COL22A1: variants seen among roughly 807,000 people sequenced by gnomAD.
The protein encoded by COL22A1 is collagen alpha-1(XXII) chain.
COL22A1 carries 221 observed loss-of-function variants against 248.9 expected under a neutral mutation model. That is an observed-to-expected ratio of 0.89 (90% confidence interval 0.80 to 0.99). The LOEUF (loss-of-function observed/expected upper bound fraction) is 0.99. Ranked by LOEUF, COL22A1 falls within the 50% of genes least tolerant of loss-of-function variation. The pLI, the probability that COL22A1 is intolerant of heterozygous loss-of-function variation, is 0.00. For synonymous variants in COL22A1, 891 were observed against 793.4 expected (o/e 1.12, Z -2.07); for missense variants, 2,240 against 2,179.0 (o/e 1.03, Z -0.56).
intron 64 of COL22A1, among the ~76,000 whole-genome samples, chr8:138,590,926 A>G (rs1480613247): frequency 6.6e-6 from 1 of 152,232 alleles, no homozygotes. Flanking sequence ...CCACTGGGTG[A>G]GCATTCCCCA....
intron 63 of COL22A1, among the ~76,000 whole-genome samples, chr8:138,592,953 A>G (rs1355279211): frequency 1.3e-5 from 2 of 152,208 alleles, no homozygotes; most frequent in African/African-American, 2.4e-5. Flanking sequence ...AATAGCAAAG[A>G]CTTGGAACCA....
chr8:138,747,297 T>C (rs1488620872), intron 22 of COL22A1, among the ~76,000 whole-genome samples: 1 of 152,260 alleles, frequency 6.6e-6, no homozygotes, highest in African/African-American at 2.4e-5. Flanking sequence ...TACTGTCCTT[T>C]CTACTTTTGT....
At chr8:138,786,934 G>A (rs1472035589) in intron 12 of COL22A1, among the ~76,000 whole-genome samples, 8 of 152,166 alleles carry the variant, frequency 5.3e-5, no homozygotes, top group Non-Finnish European at 1.2e-4. Flanking sequence ...AGAAGGAAAA[G>A]AGAAAGTTAT....
At chr8:138,833,450 G>A (rs746427428) in intron 4 of COL22A1, among the ~76,000 whole-genome samples, 1 of 152,236 alleles carries the variant, frequency 6.6e-6, no homozygotes, top group African/African-American at 2.4e-5. Context: ...CTGGTTGTGT[G>A]AGGGCCGCAG....
chr8:138,658,883 TTCTCTCTCTCTCTCCC>T (rs1823534642), intron 44 of COL22A1, among the ~76,000 whole-genome samples: 1 of 151,612 alleles, frequency 6.6e-6, no homozygotes. Context: ...CTCTTCTCTC[TTCTCTCTCTCTCTCCC>T]TCTCTCTCTC....
intron 45 of COL22A1, among the ~76,000 whole-genome samples, chr8:138,651,554 T>C (rs987793840): frequency 6.6e-6 from 1 of 152,224 alleles, no homozygotes; most frequent in Non-Finnish European, 1.5e-5. Context: ...CTGGGATATA[T>C]AAAGCAAGAG....
intron 60 of COL22A1, among the ~76,000 whole-genome samples, chr8:138,599,333 G>C (rs1055645376): frequency 4.9e-4 from 74 of 152,080 alleles, no homozygotes; most frequent in Admixed American, 2.6e-4. Context: ...CAAAACATTA[G>C]CCGGGCGTGG....
At chr8:138,643,391 T>C (rs1821892428) in intron 47 of COL22A1, among the ~76,000 whole-genome samples, 1 of 152,086 alleles carries the variant, frequency 6.6e-6, no homozygotes, top group East Asian at 1.9e-4. Flanking sequence ...TCAGCTAGGG[T>C]CTGGGAGACC....
rs140057024 is a variant in COL22A1, at chr8:138,780,956, G to C, written c.1621C>G (p.Pro541Ala). The change falls in exon 13 of 65, where the codon CCT becomes GCT. Residue 541 changes from proline to alanine, a missense_variant. Physicochemically the swap from Pro to Ala is conservative, Grantham distance 27. Transcript: ENST00000303045. The part of the protein sequence containing the change: ...EKGSLGLPGP[P>A]GRDGSKGMRG... Reference sequence around the variant, plus strand: ...ATGCCTTTGCTGCCGTCTCTCCCAGGGGGGCCGGGCAGGCCCAGGGAACCC... The same window carrying C: ...ATGCCTTTGCTGCCGTCTCTCCCAGCGGGGCCGGGCAGGCCCAGGGAACCC... 8.6e-5 allele frequency: 139 copies of C among 1,611,900 alleles called. No homozygotes were observed. In the East Asian group the frequency reaches 2.5e-3, roughly 29 times the overall value.
intron 16 of COL22A1, among the ~76,000 whole-genome samples, chr8:138,773,807 G>C (rs13277717): frequency 0.094 from 14,386 of 152,238 alleles, 753 homozygotes; most frequent in African/African-American, 0.13. Flanking sequence ...GCCAGCGTGT[G>C]ACCCCCACAT....
chr8:138,855,421 C>G (rs1312354118), intron 3 of COL22A1, among the ~76,000 whole-genome samples: 1 of 152,170 alleles, frequency 6.6e-6, no homozygotes, highest in Non-Finnish European at 1.5e-5. Context: ...CTCCAGGGGC[C>G]CTGCATGCTC....
chr8:138,703,190 T>G, intron 31 of COL22A1, 116 bp downstream of exon 31: 1 of 914,450 alleles, frequency 1.1e-6, no homozygotes, highest in Non-Finnish European at 1.8e-6. Flanking sequence ...GCCTAGCTAT[T>G]GGCAAACTCC....
At chr8:138,863,582 T>C (rs1822645583) in intron 3 of COL22A1, among the ~76,000 whole-genome samples, 1 of 152,070 alleles carries the variant, frequency 6.6e-6, no homozygotes, top group Admixed American at 6.6e-5. Flanking sequence ...CTTCACTCCT[T>C]AAGGGTACAT....
chr8:138,722,860 GT>G (rs746482777), intron 25 of COL22A1, among the ~76,000 whole-genome samples: 1,185 of 90,184 alleles, frequency 0.013, 107 homozygotes, highest in East Asian at 0.026. Context: ...CGGGGGGGGG[GT>G]GGTGGAAAAC....
chr8:138,605,194 A>G (rs997263879), intron 58 of COL22A1, among the ~76,000 whole-genome samples: 1 of 152,182 alleles, frequency 6.6e-6, no homozygotes, highest in African/African-American at 2.4e-5. Context: ...ACCTCCCTAC[A>G]ACTTCCATAA....
chr8:138,692,559 G>C (rs1587880590), intron 35 of COL22A1, among the ~76,000 whole-genome samples: 2 of 151,728 alleles, frequency 1.3e-5, no homozygotes, highest in East Asian at 3.9e-4. Flanking sequence ...ACTAGAACTT[G>C]ATGGCCGGGC....
At chr8:138,755,354 A>C in intron 20 of COL22A1, 128 bp downstream of exon 20, 6 of 1,290,846 alleles carry the variant, frequency 4.6e-6, no homozygotes, top group Admixed American at 1.7e-5. Flanking sequence ...GGGTATTTGC[A>C]TTTCTGGCAG....
At position 138,778,271 on chromosome 8, in the gene COL22A1, A is replaced by T. The variant is rs773125854; in HGVS notation, c.1758+82T>A. ...CAAAACAGCATTACTGTCTAGATGC[A>T]GGTGGAGGAACTTGCTAGAACCTGG... On this transcript the variant is annotated intron_variant, in intron 15 of 64. Transcript: ENST00000303045. 4.8e-6 allele frequency: 7 copies of T among 1,460,926 alleles called. 1 individual carries two copies. In the Admixed American group the frequency reaches 1.2e-4, roughly 25 times the overall value. The allele number at this position is 1,460,926 out of a possible 1,614,324, so 90.5% of individuals were successfully genotyped here. A position where few individuals can be genotyped will look rare whatever the true frequency, so the allele number is the denominator to read the frequency against.
intron 13 of COL22A1, among the ~76,000 whole-genome samples, chr8:138,780,212 G>T (rs990080754): frequency 2.6e-5 from 4 of 152,202 alleles, no homozygotes; most frequent in African/African-American, 9.6e-5. Context: ...GGAGTGAGAA[G>T]AGAGTCTAGG....
Sources: gnomAD v4.1 joint callset for allele counts (sites outside exome capture counted in the v4.1 genomes callset) on GRCh38, gnomAD v4.1.1 for gene constraint, MANE v1.5 for transcripts, NCBI Gene and HGNC (gene_info 2026-07-23, HGNC 2026-07-21) for gene names.